Variants in FRMD4A observed in about 807,000 individuals in gnomAD.
FRMD4A encodes the protein FERM domain containing 4A.
Under a neutral mutation model 129.1 loss-of-function variants are expected in FRMD4A, and 29 were observed. That is an observed-to-expected ratio of 0.22 (90% CI 0.17 to 0.31). FRMD4A has a LOEUF of 0.31. FRMD4A is among the 10% of genes least tolerant of loss of function. The pLI is 1.00. For synonymous variants in FRMD4A, 634 were observed against 571.6 expected, an observed-to-expected ratio of 1.11 and a Z score of -1.56; for missense variants, 1,272 against 1,375.8, an observed-to-expected ratio of 0.92 and a Z score of 1.19.
intron 2 of FRMD4A, among the ~76,000 whole-genome samples, chr10:14,109,420 G>T (rs1474264387): frequency 6.6e-6 from 1 of 152,184 alleles, no homozygotes; most frequent in African/African-American, 2.4e-5. Flanking sequence ...AGTAGCAAAA[G>T]AATGTAAAAT....
At chr10:13,981,956 A>G (rs2095563096) in intron 2 of FRMD4A, among the ~76,000 whole-genome samples, 1 of 152,060 alleles carries the variant, frequency 6.6e-6, no homozygotes, top group African/African-American at 2.4e-5. Flanking sequence ...GGCTCAGAAA[A>G]TGTTACTCAA....
chr10:13,727,634 C>T (rs906925670), intron 12 of FRMD4A, among the ~76,000 whole-genome samples: 4 of 152,134 alleles, frequency 2.6e-5, no homozygotes, highest in Non-Finnish European at 4.4e-5. Context: ...TTCCTGCATG[C>T]GAGTTCATCT....
rs117902061 is a variant in FRMD4A, at chr10:13,702,644, T to G, written c.837-1166A>C. On this transcript the variant is annotated intron_variant, in intron 13 of 24. Coordinates refer to ENST00000357447, the MANE Select transcript of FRMD4A (RefSeq NM_018027.5). The stretch of plus-strand genomic sequence containing the variant: ...TTTTACATGGACATCAGAAACAAAA[T>G]GTATGTTCTCAAGACTAACATATCT... 3.5e-3 allele frequency among the ~76,000 whole-genome samples: 537 copies of G among 152,162 alleles called. 3 individuals carry two copies. Among genetic ancestry groups the G allele is most frequent in the Non-Finnish European group, 6.0e-3 (407 of 67,994 alleles).
intron 2 of FRMD4A, among the ~76,000 whole-genome samples, chr10:14,144,355 A>G (rs1389045632): frequency 6.6e-6 from 1 of 152,180 alleles, no homozygotes; most frequent in Non-Finnish European, 1.5e-5. Flanking sequence ...GGACCGAAAA[A>G]GGAATCTACG....
In FRMD4A at chr10:14,181,779, T is replaced by C. The variant is rs113093468; in HGVS notation, c.45+148279A>G. ...AATCACAGCTCACTGCAACCTCGGC[T>C]TCCTAAGCTCAAGCAATCCTCCTGC... is the stretch of plus-strand genomic sequence containing the variant. On this transcript the variant is annotated intron_variant, in intron 2 of 24. Coordinates refer to ENST00000357447, the MANE Select transcript of FRMD4A (RefSeq NM_018027.5). 4.0e-3 allele frequency among the ~76,000 whole-genome samples: 604 copies of C among 152,212 alleles called. 5 individuals carry two copies. Among genetic ancestry groups the C allele is most frequent in the African/African-American group, 0.013 (543 of 41,530 alleles).
intron 2 of FRMD4A, among the ~76,000 whole-genome samples, chr10:13,941,349 C>T (rs2095290848): frequency 1.3e-5 from 2 of 152,222 alleles, no homozygotes; most frequent in South Asian, 2.1e-4. Flanking sequence ...GATTGTGATG[C>T]CTCCTCAGCC....
At chr10:13,679,885 C>CGG (rs2084384671) in intron 15 of FRMD4A, among the ~76,000 whole-genome samples, 2 of 152,238 alleles carry the variant, frequency 1.3e-5, no homozygotes, top group East Asian at 3.9e-4. Flanking sequence ...ACACCAGCAA[C>CGG]ATTCCACAGA....
At chr10:13,902,792 A>G (rs1037039786) in intron 2 of FRMD4A, among the ~76,000 whole-genome samples, 1 of 150,872 alleles carries the variant, frequency 6.6e-6, no homozygotes, top group African/African-American at 2.4e-5. Flanking sequence ...GTGAGCCAAG[A>G]TCACGCCACT....
chr10:13,868,834 T>C (rs551374919), intron 2 of FRMD4A, among the ~76,000 whole-genome samples: 1 of 152,094 alleles, frequency 6.6e-6, no homozygotes, highest in South Asian at 2.1e-4. Context: ...AGGTGTGTCC[T>C]TCAGGTTCTT....
intron 12 of FRMD4A, among the ~76,000 whole-genome samples, chr10:13,709,152 T>A (rs767330966): frequency 5.3e-5 from 8 of 152,122 alleles, no homozygotes; most frequent in Non-Finnish European, 1.2e-4. Flanking sequence ...TTAGTAGAGA[T>A]GGGGTTTTGC....
chr10:14,249,351 TA>T (rs71388170), intron 2 of FRMD4A, among the ~76,000 whole-genome samples: 114 of 143,608 alleles, frequency 7.9e-4, no homozygotes, highest in Admixed American at 8.9e-4. Flanking sequence ...GAATCTGTCT[TA>T]AAAAAAAAAA....
At chr10:14,239,632 A>AAAAC (rs1188249910) in intron 2 of FRMD4A, among the ~76,000 whole-genome samples, 51 of 148,942 alleles carry the variant, frequency 3.4e-4, no homozygotes, top group Non-Finnish European at 4.1e-4. Context: ...GTCTCAAGAA[A>AAAAC]AAACAAACAA....
intron 2 of FRMD4A, among the ~76,000 whole-genome samples, chr10:14,066,280 C>A (rs192336636): frequency 6.7e-6 from 1 of 149,610 alleles, no homozygotes; most frequent in Non-Finnish European, 1.5e-5. Flanking sequence ...ACCAAAGTCA[C>A]GTACTTCCTC....
chr10:14,290,215 A>C (rs1196747013), intron 2 of FRMD4A, among the ~76,000 whole-genome samples: 1 of 152,114 alleles, frequency 6.6e-6, no homozygotes, highest in Non-Finnish European at 1.5e-5. Flanking sequence ...TTTTTATAGA[A>C]ATAGGAAAAA....
At chr10:14,210,076 T>C (rs763860081) in intron 2 of FRMD4A, among the ~76,000 whole-genome samples, 3 of 152,214 alleles carry the variant, frequency 2.0e-5, no homozygotes, top group African/African-American at 4.8e-5. Flanking sequence ...AAGAAATTTC[T>C]GTTGTTTGAA....
chr10:13,960,491 TTATATA>T lies in FRMD4A; in HGVS notation c.46-101585_46-101580del, dbSNP rs1032549067. On this transcript the variant is annotated intron_variant, in intron 2 of 24. Transcript: ENST00000357447. ...ATTTCTCAGGTTTGGTCTAAGTACT[TTATATA>T]TATAGTCTCATTCATTCCTGAGGAT... is the stretch of plus-strand genomic sequence containing the variant. Among the ~76,000 whole-genome samples the T allele has an allele frequency of 1.9e-4, 29 of 152,302 alleles. 1 individual carries two copies. Among genetic ancestry groups the T allele is most frequent in the South Asian group, 1.4e-3 (7 of 4,832 alleles).
In FRMD4A at chr10:13,773,816, G is replaced by T. The variant is rs536084002; in HGVS notation, c.384+9106C>A. Among the ~76,000 whole-genome samples the T allele has an allele frequency of 9.2e-5, 14 of 152,342 alleles. No homozygotes were observed. The South Asian group carries it at 2.9e-3, about 32-fold the overall frequency. ...ATTCCCTGACTCGCTCCTGTCTCAT[G>T]GGACAAGTCCGCTGCCTCCTGCAGG... On this transcript the variant is annotated intron_variant, in intron 6 of 24. Transcript: ENST00000357447.
chr10:14,186,023 G>A (rs1842133978), intron 2 of FRMD4A, among the ~76,000 whole-genome samples: 1 of 152,138 alleles, frequency 6.6e-6, no homozygotes, highest in Non-Finnish European at 1.5e-5. Flanking sequence ...GCACAGCAGT[G>A]GGCAGAAGTG....
chr10:13,784,506 C>A (rs1240163373), intron 5 of FRMD4A, among the ~76,000 whole-genome samples: 1 of 152,166 alleles, frequency 6.6e-6, no homozygotes, highest in Non-Finnish European at 1.5e-5. Flanking sequence ...ATGAATTCTT[C>A]TAATCAATAC....
Sources: allele counts gnomAD v4.1 joint callset (sites outside exome capture counted in the v4.1 genomes callset), GRCh38; gene constraint gnomAD v4.1.1; transcripts MANE v1.5; gene names NCBI Gene and HGNC (gene_info 2026-07-23, HGNC 2026-07-21).